The following NDEL1 variants were observed in gnomAD, a reference collection of about 807,000 sequenced individuals.
The protein encoded by NDEL1 is nuclear distribution protein nudE-like 1.
Under a neutral mutation model 45.7 loss-of-function variants are expected in NDEL1, and 9 were observed. That is an observed-to-expected ratio of 0.20 (90% CI 0.12 to 0.34). NDEL1 has a LOEUF of 0.34. NDEL1 is among the 10% of genes least tolerant of loss of function. The pLI is 1.00. For synonymous variants in NDEL1, 133 were observed against 158.6 expected (o/e 0.84, Z 1.21); for missense variants, 306 against 406.2 (o/e 0.75, Z 2.12).
At chr17:8,448,391 G>A (rs547591272) in intron 4 of NDEL1, among the ~76,000 whole-genome samples, 159 bp from the exon 5 acceptor site, 6 of 152,290 alleles carry the variant, frequency 3.9e-5, no homozygotes, top group Non-Finnish European at 7.3e-5. Flanking sequence ...GAGACACTAC[G>A]TGCCAGCAGT....
At chr17:8,459,677 C>T (rs1426431710) in intron 7 of NDEL1, among the ~76,000 whole-genome samples, 3 of 152,182 alleles carry the variant, frequency 2.0e-5, no homozygotes, top group Non-Finnish European at 4.4e-5. Context: ...TAACAGTCTA[C>T]AGCTTAGAAA....
intron 1 of NDEL1, among the ~76,000 whole-genome samples, chr17:8,427,909 T>G (rs1440954979): frequency 6.6e-6 from 1 of 152,254 alleles, no homozygotes; most frequent in African/African-American, 2.4e-5. Flanking sequence ...CATTTGCATG[T>G]ACTTTTATGT....
intron 3 of NDEL1, among the ~76,000 whole-genome samples, chr17:8,473,190 C>CTT (rs528658794): frequency 6.8e-6 from 1 of 146,734 alleles, no homozygotes; most frequent in Non-Finnish European, 1.5e-5. Flanking sequence ...GGGAAGAATT[C>CTT]TTTTTTTTTT....
intron 1 of NDEL1, among the ~76,000 whole-genome samples, chr17:8,429,225 C>G (rs1908942785): frequency 6.6e-6 from 1 of 152,174 alleles, no homozygotes; most frequent in South Asian, 2.1e-4. Context: ...AATGTTCTGT[C>G]AGTCTTGCCT....
upstream of NDEL1, chr17:8,431,967 C>G (rs185939580): frequency 1.3e-5 from 2 of 148,832 alleles, no homozygotes; most frequent in Admixed American, 6.8e-5. Flanking sequence ...TCAAGCGGTT[C>G]TCAAGCTTCA....
At chr17:8,450,695 C>CT (rs1339105239) in intron 5 of NDEL1, 85 bp from the exon 6 acceptor site, 4 of 1,200,250 alleles carry the variant, frequency 3.3e-6, no homozygotes, top group Non-Finnish European at 4.6e-6. Flanking sequence ...GGAAGAAGAC[C>CT]TTTATGACAT....
intron 1 of NDEL1, among the ~76,000 whole-genome samples, chr17:8,442,828 C>A (rs1006115560): frequency 1.4e-5 from 2 of 139,478 alleles, no homozygotes; most frequent in East Asian, 2.2e-4. Flanking sequence ...CTCGCTCTGT[C>A]CCCCAGGCTG....
chr17:8,437,621 T>C (rs1909435725), intron 1 of NDEL1, among the ~76,000 whole-genome samples: 1 of 152,166 alleles, frequency 6.6e-6, no homozygotes, highest in African/African-American at 2.4e-5. Context: ...ATTCTGTAAA[T>C]GTCACCTTTG....
At chr17:8,416,056 C>T (rs1245766364) in intron 1 of NDEL1, among the ~76,000 whole-genome samples, 1 of 152,096 alleles carries the variant, frequency 6.6e-6, no homozygotes, top group Non-Finnish European at 1.5e-5. Context: ...CCATTTTAAT[C>T]ATTTTTAAGC....
intron 1 of NDEL1, among the ~76,000 whole-genome samples, chr17:8,424,686 A>G (rs1249560452): frequency 6.6e-6 from 1 of 151,996 alleles, no homozygotes; most frequent in Admixed American, 6.5e-5. Flanking sequence ...TTGTATTTTT[A>G]GTAGAGATGG....
chr17:8,449,675 A>G (rs1422572626), intron 5 of NDEL1, among the ~76,000 whole-genome samples: 1 of 152,220 alleles, frequency 6.6e-6, no homozygotes, highest in East Asian at 1.9e-4. Flanking sequence ...ATTTAGCATA[A>G]TGTCCTCAAG....
At position 8,448,749 on chromosome 17, in the gene NDEL1, G is replaced by T. The variant is rs926778833; in HGVS notation, c.526+63G>T. ...AACAACATGGGTTTGAATTGTGTGG[G>T]CCCACTTATACTCTGATTTTTTTTC... On this transcript the variant is annotated intron_variant, in intron 5 of 8. Coordinates refer to ENST00000334527, the MANE Select transcript of NDEL1 (RefSeq NM_030808.5). The T allele has an allele frequency of 4.1e-6, 6 of 1,465,650 alleles. No homozygotes were observed. The East Asian group carries it at 1.4e-4, about 35-fold the overall frequency. The allele number at this position is 1,465,650 out of a possible 1,614,324, so 90.8% of individuals were successfully genotyped here. A position where few individuals can be genotyped will look rare whatever the true frequency, so the allele number is the denominator to read the frequency against.
At chr17:8,441,377 G>A (rs1358342812) in intron 1 of NDEL1, among the ~76,000 whole-genome samples, 1 of 152,122 alleles carries the variant, frequency 6.6e-6, no homozygotes, top group Non-Finnish European at 1.5e-5. Flanking sequence ...AATTTTGTTC[G>A]CCAAATCCTG....
At chr17:8,454,380 C>CAA (rs879578656) in intron 6 of NDEL1, among the ~76,000 whole-genome samples, 3 of 136,354 alleles carry the variant, frequency 2.2e-5, no homozygotes, top group African/African-American at 8.0e-5. Flanking sequence ...ATCAAATTGT[C>CAA]AAAAAAAAAA....
chr17:8,472,420 G>T (rs961344987), downstream of NDEL1, among the ~76,000 whole-genome samples: 1 of 152,210 alleles, frequency 6.6e-6, no homozygotes, highest in Non-Finnish European at 1.5e-5. Context: ...TTGGGAGGGA[G>T]GCCAAGGCGG....
chr17:8,444,281 G>T lies in NDEL1; in HGVS notation c.10G>T (p.Glu4Ter). The change falls in exon 2 of 9, where the codon GAA (glutamate) becomes TAA (stop). Residue 4 changes from glutamate to a stop codon, truncating the protein, a stop_gained. Coordinates refer to ENST00000334527, the MANE Select transcript of NDEL1 (RefSeq NM_030808.5). LOFTEE classifies it high-confidence loss of function. ...ACAGGCTTTCTTGATCATGGATGGT[G>T]AAGATATACCAGATTTTTCAAGTTT... The part of the protein sequence containing the change: MDG[E>*]DIPDFSSLKE... 1 of 1,610,278 alleles carries T rather than the reference G, an allele frequency of 6.2e-7. No individual in the cohort carries two copies. Among genetic ancestry groups the T allele is most frequent in the South Asian group, 1.1e-5 (1 of 90,832 alleles).
intron 1 of NDEL1, among the ~76,000 whole-genome samples, chr17:8,438,904 G>A (rs992692167): frequency 1.3e-5 from 2 of 151,498 alleles, no homozygotes; most frequent in African/African-American, 4.9e-5. Flanking sequence ...ATAAAGATGA[G>A]GTGTGACCAC....
At chr17:8,458,734 T>A (rs960289626) in intron 7 of NDEL1, among the ~76,000 whole-genome samples, 1 of 152,128 alleles carries the variant, frequency 6.6e-6, no homozygotes, top group Non-Finnish European at 1.5e-5. Context: ...TTGTTGCTGT[T>A]TCTTTTTTTT....
At chr17:8,446,682 A>G (rs911904306) in intron 3 of NDEL1, 72 bp from the exon 4 acceptor site, 74 of 1,489,418 alleles carry the variant, frequency 5.0e-5, no homozygotes, top group Non-Finnish European at 6.4e-5. Flanking sequence ...CCACCCTTTT[A>G]ACTTGAGTTA....
Sources: allele counts gnomAD v4.1 joint callset (sites outside exome capture counted in the v4.1 genomes callset), GRCh38; gene constraint gnomAD v4.1.1; transcripts MANE v1.5; gene names NCBI Gene and HGNC (gene_info 2026-07-23, HGNC 2026-07-21).